Variants in C3orf70 observed in about 807,000 individuals in gnomAD.
C3orf70 encodes chromosome 3 open reading frame 70.
C3orf70 carries 15 observed loss-of-function variants against 20.7 expected under a neutral mutation model. The ratio of observed to expected loss-of-function variants is 0.72; its 90% CI spans 0.48 to 1.11. C3orf70 has a LOEUF of 1.11. Among genes scored for constraint, C3orf70 ranks in the 50% most tolerant of loss-of-function variants. The pLI, the probability that C3orf70 is intolerant of heterozygous loss-of-function variation, is 0.00. For synonymous variants in C3orf70, 161 were observed against 125.7 expected (o/e 1.28, Z -1.88); for missense variants, 332 against 317.6 (o/e 1.05, Z -0.34).
chr3:185,114,035 A>G (rs1307822680), intron 1 of C3orf70, among the ~76,000 whole-genome samples: 2 of 152,168 alleles, frequency 1.3e-5, no homozygotes, highest in East Asian at 3.9e-4. Context: ...CCCTGTCTCT[A>G]CTAAAAACAC....
rs571555589 is a variant in C3orf70, at chr3:185,147,110, C to G, written c.196+5518G>C. 5.3e-5 allele frequency among the ~76,000 whole-genome samples: 8 copies of G among 152,326 alleles called. No homozygotes were observed. In the South Asian group the frequency reaches 1.7e-3, roughly 32 times the overall value. On this transcript the variant is annotated intron_variant, in intron 1 of 1. Coordinates refer to ENST00000335012, the MANE Select transcript of C3orf70 (RefSeq NM_001025266.3). ...CTCTATTTCTATGCTGCCCATCTAC[C>G]TTTTGCTGTGACAGTCTTTCTTTAG...
At chr3:185,143,939 C>T (rs1221288016) in intron 1 of C3orf70, among the ~76,000 whole-genome samples, 3 of 151,156 alleles carry the variant, frequency 2.0e-5, no homozygotes, top group East Asian at 3.9e-4. Context: ...CAGGATGAAG[C>T]TGGGGAGTAA....
intron 1 of C3orf70, among the ~76,000 whole-genome samples, chr3:185,126,239 G>A (rs545226580): frequency 6.0e-4 from 91 of 152,280 alleles, no homozygotes; most frequent in Non-Finnish European, 1.2e-3. Flanking sequence ...AATTTAACAA[G>A]TATCAAACGA....
chr3:185,119,905 T>C (rs1716257818), intron 1 of C3orf70, among the ~76,000 whole-genome samples: 1 of 151,538 alleles, frequency 6.6e-6, no homozygotes, highest in South Asian at 2.1e-4. Flanking sequence ...ATGCCTGTAG[T>C]TCCAGCTACT....
At chr3:185,143,779 T>C (rs1051969080) in intron 1 of C3orf70, among the ~76,000 whole-genome samples, 1 of 152,220 alleles carries the variant, frequency 6.6e-6, no homozygotes, top group Non-Finnish European at 1.5e-5. Flanking sequence ...CAAAGTTGAA[T>C]ATGTTCAGTT....
At chr3:185,106,060 C>T (rs985991880) in intron 1 of C3orf70, among the ~76,000 whole-genome samples, 2 of 152,144 alleles carry the variant, frequency 1.3e-5, no homozygotes, top group Non-Finnish European at 1.5e-5. Flanking sequence ...AAAGACCCTC[C>T]ATATCTTTCT....
chr3:185,090,275 G>GA (rs143038282), intron 1 of C3orf70, among the ~76,000 whole-genome samples: 5,923 of 152,168 alleles, frequency 0.039, 185 homozygotes, highest in African/African-American at 0.084. Context: ...GAATGAAAAA[G>GA]AAAAAATAAA....
intron 1 of C3orf70, among the ~76,000 whole-genome samples, chr3:185,109,925 G>A (rs749195921): frequency 2.0e-5 from 3 of 152,122 alleles, no homozygotes; most frequent in Non-Finnish European, 2.9e-5. Flanking sequence ...GCTACACAAC[G>A]ATTCCTATGG....
chr3:185,086,283 A>C (rs569055019), intron 1 of C3orf70, among the ~76,000 whole-genome samples: 1 of 152,128 alleles, frequency 6.6e-6, no homozygotes, highest in East Asian at 1.9e-4. Flanking sequence ...CCACTCATCC[A>C]AAGCTCTGTT....
At chr3:185,149,928 T>G (rs903291385) in intron 1 of C3orf70, among the ~76,000 whole-genome samples, 1 of 152,244 alleles carries the variant, frequency 6.6e-6, no homozygotes, top group Non-Finnish European at 1.5e-5. Context: ...ATTATTTATT[T>G]TAAAACAGTT....
chr3:185,118,609 T>C (rs1449880168), intron 1 of C3orf70, among the ~76,000 whole-genome samples: 1 of 152,140 alleles, frequency 6.6e-6, no homozygotes, highest in Admixed American at 6.5e-5. Flanking sequence ...AGATAAAACT[T>C]GACATAAAGC....
chr3:185,127,464 A>T (rs1176988938), intron 1 of C3orf70, among the ~76,000 whole-genome samples: 1 of 152,142 alleles, frequency 6.6e-6, no homozygotes, highest in African/African-American at 2.4e-5. Context: ...TTTGAGATGG[A>T]GTCTCATTCT....
At chr3:185,114,344 G>A (rs1716135039) in intron 1 of C3orf70, among the ~76,000 whole-genome samples, 1 of 152,146 alleles carries the variant, frequency 6.6e-6, no homozygotes, top group African/African-American at 2.4e-5. Context: ...TCAGATATGT[G>A]AACATATCCA....
chr3:185,136,254 A>G (rs114434969), intron 1 of C3orf70, among the ~76,000 whole-genome samples: 1,652 of 152,350 alleles, frequency 0.011, 32 homozygotes, highest in African/African-American at 0.038. Context: ...GTGTAACAAG[A>G]TATCAGCAAT....
intron 1 of C3orf70, among the ~76,000 whole-genome samples, chr3:185,095,798 A>G (rs1309979203): frequency 7.0e-6 from 1 of 143,246 alleles, no homozygotes; most frequent in Non-Finnish European, 1.5e-5. Context: ...GTGCAGTGGC[A>G]CGATCTCGGC....
chr3:185,120,627 T>G (rs926411823), intron 1 of C3orf70, among the ~76,000 whole-genome samples: 1 of 151,548 alleles, frequency 6.6e-6, no homozygotes, highest in Non-Finnish European at 1.5e-5. Flanking sequence ...GGAAAAATGT[T>G]CAACCTCACT....
At chr3:185,126,912 T>G (rs1186838589) in intron 1 of C3orf70, among the ~76,000 whole-genome samples, 1 of 152,206 alleles carries the variant, frequency 6.6e-6, no homozygotes, top group African/African-American at 2.4e-5. Context: ...ACTGCAATGA[T>G]AATCACGTGA....
At chr3:185,123,222 A>G (rs1716342414) in intron 1 of C3orf70, among the ~76,000 whole-genome samples, 1 of 150,042 alleles carries the variant, frequency 6.7e-6, no homozygotes, top group Non-Finnish European at 1.5e-5. Context: ...AAACTGCATT[A>G]TCACAATGTT....
intron 1 of C3orf70, among the ~76,000 whole-genome samples, chr3:185,109,120 G>A (rs1315887280): frequency 6.6e-6 from 1 of 152,182 alleles, no homozygotes; most frequent in Non-Finnish European, 1.5e-5. Flanking sequence ...AAGCAGAAAG[G>A]GGGAGACAGA....
Sources: gnomAD v4.1 joint callset for allele counts (sites outside exome capture counted in the v4.1 genomes callset) on GRCh38, gnomAD v4.1.1 for gene constraint, MANE v1.5 for transcripts, NCBI Gene and HGNC (gene_info 2026-07-23, HGNC 2026-07-21) for gene names.